The following ATRNL1 variants were observed in gnomAD, a reference collection of about 807,000 sequenced individuals.
ATRNL1 encodes the protein attractin like 1.
Under a neutral mutation model 182.7 loss-of-function variants are expected in ATRNL1, and 95 were observed. The ratio of observed to expected loss-of-function variants is 0.52; its 90% CI spans 0.44 to 0.62. ATRNL1 has a LOEUF of 0.62. ATRNL1 is among the 20% of genes least tolerant of loss of function. The probability of loss-of-function intolerance (pLI) is 0.00; values close to 1 mark genes in which losing one functional copy is unlikely to be tolerated. For missense variants in ATRNL1, 1,471 were observed against 1,679.5 expected, an observed-to-expected ratio of 0.88 and a Z score of 2.17; for synonymous variants, 576 against 568.3, an observed-to-expected ratio of 1.01 and a Z score of -0.19.
intron 27 of ATRNL1, among the ~76,000 whole-genome samples, chr10:115,736,115 T>C (rs1947942581): frequency 6.6e-6 from 1 of 152,162 alleles, no homozygotes; most frequent in Admixed American, 6.6e-5. Flanking sequence ...CATTATCCCA[T>C]TTGTATTTTC....
chr10:115,283,319 C>T (rs989962132), intron 14 of ATRNL1, among the ~76,000 whole-genome samples: 2 of 151,980 alleles, frequency 1.3e-5, no homozygotes, highest in Admixed American at 1.3e-4. Flanking sequence ...GAGGCTGAGG[C>T]AGGAGAATCA....
chr10:115,824,060 A>T (rs1050565206), intron 27 of ATRNL1, among the ~76,000 whole-genome samples: 4 of 152,190 alleles, frequency 2.6e-5, no homozygotes, highest in Non-Finnish European at 5.9e-5. Flanking sequence ...AAACAGCATG[A>T]TACTGGTACC....
At chr10:115,843,553 G>C (rs1467449449) in intron 27 of ATRNL1, among the ~76,000 whole-genome samples, 1 of 152,052 alleles carries the variant, frequency 6.6e-6, no homozygotes, top group African/African-American at 2.4e-5. Flanking sequence ...GGATGCCTTA[G>C]ACAGTAGGAA....
chr10:115,856,697 C>T (rs1951197666), intron 28 of ATRNL1, among the ~76,000 whole-genome samples: 1 of 152,064 alleles, frequency 6.6e-6, no homozygotes, highest in Admixed American at 6.6e-5. Context: ...CTCACATGCG[C>T]AGTTCACAAT....
chr10:115,423,144 T>C (rs1377228370), intron 20 of ATRNL1, among the ~76,000 whole-genome samples: 1 of 152,204 alleles, frequency 6.6e-6, no homozygotes, highest in African/African-American at 2.4e-5. Context: ...TGGATGTCCT[T>C]CTTACCCTGA....
chr10:115,875,221 T>G (rs1236816155), intron 28 of ATRNL1, among the ~76,000 whole-genome samples: 1 of 152,228 alleles, frequency 6.6e-6, no homozygotes, highest in Admixed American at 6.5e-5. Context: ...AAGTTTTTAA[T>G]GTAAGTTGAT....
At chr10:115,713,453 G>GTGTGTGTGTGTGTGTGTT (rs1442994037) in intron 26 of ATRNL1, among the ~76,000 whole-genome samples, 6 of 141,374 alleles carry the variant, frequency 4.2e-5, no homozygotes, top group African/African-American at 1.6e-4. Flanking sequence ...CTGTGTGTGT[G>GTGTGTGTGTGTGTGTGTT]TGTGTGTGTG....
At position 115,394,729 on chromosome 10, in the gene ATRNL1, A is replaced by G. The variant is rs782801302; in HGVS notation, c.3246A>G (p.Gly1082=). 2 of 1,606,560 alleles carry G rather than the reference A, an allele frequency of 1.2e-6. No individual in the cohort carries two copies. Among genetic ancestry groups the G allele is most frequent in the Non-Finnish European group, 1.7e-6 (2 of 1,176,458 alleles). ...HTGKCFCTTK[G]IKGDQCQLCD... is the part of the protein sequence containing the mutation. ...GAAAATGTTTCTGCACAACTAAAGGAATAAAAGGTGACCAATGCCAATTGT... is the reference window on the plus strand; with the variant it reads ...GAAAATGTTTCTGCACAACTAAAGGGATAAAAGGTGACCAATGCCAATTGT... Residue 1082 remains glycine (G), a synonymous_variant, in exon 20 of 29, where the codon GGA becomes GGG. Transcript: ENST00000355044.
chr10:115,697,022 C>T (rs1223135288), intron 26 of ATRNL1, among the ~76,000 whole-genome samples: 2 of 152,058 alleles, frequency 1.3e-5, no homozygotes, highest in Non-Finnish European at 2.9e-5. Context: ...TCCCACCTGG[C>T]CTCTTCCTTG....
intron 26 of ATRNL1, among the ~76,000 whole-genome samples, chr10:115,634,843 A>G (rs1389211187): frequency 6.6e-6 from 1 of 152,138 alleles, no homozygotes; most frequent in Non-Finnish European, 1.5e-5. Flanking sequence ...ATCTGCCACC[A>G]CCTGATAGTG....
chr10:115,119,876 A>G (rs1269852877), intron 1 of ATRNL1, among the ~76,000 whole-genome samples: 3 of 152,072 alleles, frequency 2.0e-5, no homozygotes, highest in Admixed American at 2.0e-4. Flanking sequence ...ATGAAGTTTA[A>G]CTTACTCTAT....
chr10:115,846,273 A>C (rs1161097506), intron 27 of ATRNL1, among the ~76,000 whole-genome samples: 1 of 152,076 alleles, frequency 6.6e-6, no homozygotes, highest in Non-Finnish European at 1.5e-5. Flanking sequence ...ATTTTAAAAC[A>C]TGAGATTTAT....
At chr10:115,371,824 G>C (rs1349622037) in intron 19 of ATRNL1, among the ~76,000 whole-genome samples, 1 of 152,158 alleles carries the variant, frequency 6.6e-6, no homozygotes, top group African/African-American at 2.4e-5. Context: ...GGGGCAGAAT[G>C]TTATGGTTTG....
intron 8 of ATRNL1, among the ~76,000 whole-genome samples, chr10:115,203,645 T>C (rs1206598459): frequency 1.4e-5 from 2 of 148,078 alleles, no homozygotes; most frequent in African/African-American, 5.0e-5. Context: ...AGTGGCACGC[T>C]CTTGGCTCAC....
At chr10:115,120,520 T>G (rs1844680435) in intron 2 of ATRNL1, among the ~76,000 whole-genome samples, 1 of 152,048 alleles carries the variant, frequency 6.6e-6, no homozygotes, top group East Asian at 1.9e-4. Context: ...TAGGCATTTT[T>G]TTGGTTTATT....
intron 26 of ATRNL1, among the ~76,000 whole-genome samples, chr10:115,702,838 C>CCA: frequency 6.6e-6 from 1 of 151,520 alleles, no homozygotes; most frequent in African/African-American, 2.4e-5. Flanking sequence ...GAATCAATAT[C>CCA]TACTGCCCAA....
At chr10:115,214,747 G>A (rs1407963663) in intron 8 of ATRNL1, among the ~76,000 whole-genome samples, 19 of 152,212 alleles carry the variant, frequency 1.2e-4, no homozygotes, top group Non-Finnish European at 2.6e-4. Context: ...AAGAAATTGT[G>A]GGTTTTTCGT....
intron 18 of ATRNL1, among the ~76,000 whole-genome samples, chr10:115,319,920 T>C (rs1854499548): frequency 6.6e-6 from 1 of 152,144 alleles, no homozygotes; most frequent in Non-Finnish European, 1.5e-5. Flanking sequence ...ATGTGTGAAT[T>C]TGATCCTGTC....
intron 14 of ATRNL1, among the ~76,000 whole-genome samples, chr10:115,284,777 T>C (rs1852528295): frequency 1.3e-5 from 2 of 152,178 alleles, no homozygotes; most frequent in Admixed American, 6.5e-5. Flanking sequence ...AATATAGCTG[T>C]CAAATGCCAA....
Sources: gnomAD v4.1 joint callset for allele counts (sites outside exome capture counted in the v4.1 genomes callset) on GRCh38, gnomAD v4.1.1 for gene constraint, MANE v1.5 for transcripts, NCBI Gene and HGNC (gene_info 2026-07-23, HGNC 2026-07-21) for gene names.